RTL9: variants seen among roughly 807,000 people sequenced by gnomAD.
RTL9 encodes the protein retrotransposon Gag-like protein 9.
In RTL9, 19 loss-of-function variants were observed where a neutral mutation model predicts 44.7. The ratio of observed to expected loss-of-function variants is 0.42; its 90% CI spans 0.30 to 0.62. The LOEUF is 0.62. Ranked by LOEUF, RTL9 falls within the 20% of genes least tolerant of loss-of-function variation. The pLI, the probability that RTL9 is intolerant of heterozygous loss-of-function variation, is 0.16. For missense variants in RTL9, 1,105 were observed against 1,080.6 expected (o/e 1.02, Z -0.32); for synonymous variants, 407 against 398.9 (o/e 1.02, Z -0.24).
intron 1 of RTL9, among the ~76,000 whole-genome samples, chrX:110,433,477 G>C (rs964510413): frequency 9.0e-6 from 1 of 111,598 alleles, no homozygotes; most frequent in Non-Finnish European, 1.9e-5. Flanking sequence ...TAATGAGGAA[G>C]GGCAGGGAGA....
chrX:110,381,326 C>T (rs2068417041), intron 1 of RTL9, among the ~76,000 whole-genome samples: 1 of 111,862 alleles, frequency 8.9e-6, no homozygotes, highest in Non-Finnish European at 1.9e-5. Context: ...TGAAAAAATG[C>T]TCATCATTAC....
At position 110,452,857 on chromosome X, in the gene RTL9, AT is replaced by A; in HGVS notation, c.2242del (p.Ser748ProfsTer6). 1 of 1,210,991 alleles carries A rather than the reference AT, an allele frequency of 8.3e-7. No individual in the cohort carries two copies. The highest frequency in any genetic ancestry group is 1.1e-6 in the Non-Finnish European group (1 of 895,297). On this transcript the variant is annotated frameshift_variant, in exon 1 of 2. Coordinates refer to ENST00000540313, the Ensembl canonical transcript of RTL9. LOFTEE classifies it high-confidence loss of function. ...ATGACCGCTGGAGGGATGCAGATGA[AT>A]TCCCCAACCTCTGATGTGATGTCCA...
intron 1 of RTL9, among the ~76,000 whole-genome samples, chrX:110,412,970 A>G (rs1602983952): frequency 8.9e-6 from 1 of 111,871 alleles, no homozygotes; most frequent in African/African-American, 3.3e-5. Context: ...AAAGATGTAA[A>G]GGGAAAAAAA....
rs1433020093 is a variant in RTL9, at chrX:110,413,402, T to A, written c.-167-31751T>A. Among the ~76,000 whole-genome samples, 3 of 110,972 alleles carry A rather than the reference T, an allele frequency of 2.7e-5. No individual in the cohort carries two copies. In the Admixed American group the frequency reaches 2.9e-4, roughly 11 times the overall value. The stretch of plus-strand genomic sequence containing the variant: ...GGGGTCTGTGCTCTAGCTTCCCCTG[T>A]TTGCTTCCAGGCTGTTAGTCCTCCG... On this transcript the variant is annotated intron_variant, in intron 1 of 2. Transcript: ENST00000520821.
intron 1 of RTL9, among the ~76,000 whole-genome samples, chrX:110,423,396 G>T (rs765651679): frequency 9.1e-6 from 1 of 110,150 alleles, no homozygotes; most frequent in South Asian, 4.0e-4. Flanking sequence ...GAGAAGGAGA[G>T]AAGAAGAAGG....
chrX:110,412,689 C>T (rs768318724), intron 1 of RTL9, among the ~76,000 whole-genome samples: 4 of 112,399 alleles, frequency 3.6e-5, no homozygotes, highest in Admixed American at 9.4e-5. Flanking sequence ...ATGACAATGA[C>T]GATGTAGCCA....
chrX:110,440,413 C>T (rs763663525), intron 1 of RTL9, among the ~76,000 whole-genome samples: 42 of 111,973 alleles, frequency 3.8e-4, no homozygotes, highest in Middle Eastern at 4.6e-3. Flanking sequence ...AGATCTGGGT[C>T]GCTGTGGGTG....
chrX:110,415,458 C>T (rs2068670546), upstream of RTL9, among the ~76,000 whole-genome samples: 1 of 111,521 alleles, frequency 9.0e-6, no homozygotes, highest in Non-Finnish European at 1.9e-5. Context: ...TTTAGTGCTG[C>T]TTTTGGATTG....
rs2068344075 is a variant in RTL9 at position 110,372,224 on chromosome X, T to C, written c.-168+13308T>C. On this transcript the variant is annotated intron_variant, in intron 1 of 2. Coordinates refer to the RTL9 transcript ENST00000520821. Reference sequence around the variant, plus strand: ...TGTTTGGTGAGTATTGGTTATCTTTTTTGCTTTGTGAGGAGGATATAAAAT... The same window carrying C: ...TGTTTGGTGAGTATTGGTTATCTTTCTTGCTTTGTGAGGAGGATATAAAAT... Among the ~76,000 whole-genome samples, 3 of 112,755 alleles carry C rather than the reference T, an allele frequency of 2.7e-5. No homozygotes were observed. The Admixed American group carries it at 2.8e-4, about 11-fold the overall frequency.
intron 1 of RTL9, among the ~76,000 whole-genome samples, chrX:110,365,765 C>T (rs1215970136): frequency 1.8e-5 from 2 of 111,803 alleles, no homozygotes; most frequent in Non-Finnish European, 3.8e-5. Flanking sequence ...TGGGTGTTTT[C>T]TAATAATATA....
At chrX:110,432,479 A>T (rs2068804499) in intron 1 of RTL9, among the ~76,000 whole-genome samples, 1 of 112,077 alleles carries the variant, frequency 8.9e-6, no homozygotes, top group South Asian at 3.8e-4. Flanking sequence ...GTCTGGCTGT[A>T]ATTAGCCCCA....
chrX:110,359,621 C>A (rs958708671), intron 1 of RTL9, among the ~76,000 whole-genome samples: 1 of 111,597 alleles, frequency 9.0e-6, no homozygotes, highest in African/African-American at 3.3e-5. Flanking sequence ...ATTTAACTAT[C>A]TATTCATTAA....
At chrX:110,414,954 A>C (rs2068666678), upstream of RTL9, among the ~76,000 whole-genome samples, 1 of 112,038 alleles carries the variant, frequency 8.9e-6, no homozygotes. Context: ...CTGAAGAAAG[A>C]AGAAAGCATA....
At chrX:110,417,877 T>C (rs2068688953), upstream of RTL9, among the ~76,000 whole-genome samples, 1 of 112,560 alleles carries the variant, frequency 8.9e-6, no homozygotes, top group Non-Finnish European at 1.9e-5. Flanking sequence ...CCTTGGGAAG[T>C]GATGGAGTTG....
chrX:110,455,178 CTG>C, intron 1 of RTL9, 22 bp from the exon 4 acceptor site: 1 of 1,208,924 alleles, frequency 8.3e-7, no homozygotes, highest in Non-Finnish European at 1.1e-6. Flanking sequence ...GCTCTTACCT[CTG>C]TTGTCTTTTT....
Position 110,431,000 on chromosome X carries a change from C to T in RTL9, c.-168+11865C>T, listed in dbSNP as rs140404134. 5.8e-3 allele frequency among the ~76,000 whole-genome samples: 654 copies of T among 111,970 alleles called. 4 individuals are homozygous for T. Among genetic ancestry groups the T allele is most frequent in the African/African-American group, 0.02 (627 of 30,759 alleles). On this transcript the variant is annotated intron_variant, in intron 1 of 3. Coordinates refer to the RTL9 transcript ENST00000465301. ...CTCCCTGAGAAAAGGAATGAAGAAA[C>T]TTGGATTTTGCCTTCATAGGCCCTG...
upstream of RTL9, among the ~76,000 whole-genome samples, chrX:110,449,413 AT>A (rs1569432795): frequency 8.9e-6 from 1 of 112,581 alleles, no homozygotes; most frequent in Non-Finnish European, 1.9e-5. Flanking sequence ...CATGAGGTTG[AT>A]GACTTTTGTG....
intron 1 of RTL9, among the ~76,000 whole-genome samples, chrX:110,365,449 T>A (rs1156597499): frequency 1.8e-5 from 2 of 112,337 alleles, no homozygotes; most frequent in African/African-American, 6.5e-5. Context: ...TATGCTTTAG[T>A]TCATGTGACA....
At chrX:110,374,556 T>G (rs763157447) in intron 1 of RTL9, among the ~76,000 whole-genome samples, 3 of 112,072 alleles carry the variant, frequency 2.7e-5, no homozygotes, top group Non-Finnish European at 5.6e-5. Context: ...GGCTGTCAAA[T>G]GAGGTCCTCT....
Sources: allele counts gnomAD v4.1 joint callset (sites outside exome capture counted in the v4.1 genomes callset), GRCh38; gene constraint gnomAD v4.1.1; transcripts MANE v1.5; gene names NCBI Gene and HGNC (gene_info 2026-07-23, HGNC 2026-07-21).